The following DNAH12 variants were observed in gnomAD, a reference collection of about 807,000 sequenced individuals.
The protein encoded by DNAH12 is dynein axonemal heavy chain 12.
Under a neutral mutation model 371.5 loss-of-function variants are expected in DNAH12, and 285 were observed. That is an observed-to-expected ratio of 0.77 (90% CI 0.70 to 0.85). DNAH12 has a LOEUF of 0.85. DNAH12 is among the 40% of genes least tolerant of loss of function. DNAH12 has a pLI of 0.00. For missense variants in DNAH12, 3,611 were observed against 3,689.4 expected (o/e 0.98, Z 0.55); for synonymous variants, 1,200 against 1,213.0 (o/e 0.99, Z 0.22).
intron 2 of DNAH12, among the ~76,000 whole-genome samples, chr3:57,533,157 T>C (rs2068908056): frequency 6.6e-6 from 1 of 152,146 alleles, no homozygotes; most frequent in Admixed American, 6.6e-5. Context: ...ACTCCCAATG[T>C]TCACTTAAGG....
intron 60 of DNAH12, among the ~76,000 whole-genome samples, chr3:57,349,310 CA>C (rs200906654): frequency 6.6e-6 from 1 of 151,764 alleles, no homozygotes; most frequent in Non-Finnish European, 1.5e-5. Flanking sequence ...TGGCCACACA[CA>C]AAAAAAATGG....
At chr3:57,302,915 G>A (rs1254473484) in intron 69 of DNAH12, among the ~76,000 whole-genome samples, 1 of 151,770 alleles carries the variant, frequency 6.6e-6, no homozygotes, top group Non-Finnish European at 1.5e-5. Flanking sequence ...CTACACATAG[G>A]TCTAGCTAAT....
intron 17 of DNAH12, among the ~76,000 whole-genome samples, chr3:57,467,844 C>T (rs1197755863): frequency 6.6e-6 from 1 of 152,108 alleles, no homozygotes; most frequent in Non-Finnish European, 1.5e-5. Context: ...ACCAGCCTTT[C>T]CTACACTCCA....
In DNAH12 at chr3:57,457,801, C is replaced by T; in HGVS notation, c.3256G>A (p.Gly1086Ser). The change falls in exon 22 of 74, where the codon GGT (glycine) becomes AGT (serine). Residue 1086 changes from glycine to serine, a missense_variant. Transcript: ENST00000495027. ...TGAATGAGCCACTTTTCCACAGCAC[C>T]CCGCGCTGCAGACGTGGAAATGAGT... ...IALISTSAAR[G>S]AVEKWLIQVE... is the part of the protein sequence containing the mutation. 6.4e-7 allele frequency: 1 copy of T among 1,551,536 alleles called. No homozygotes were observed. Among genetic ancestry groups the T allele is most frequent in the Non-Finnish European group, 8.7e-7 (1 of 1,146,970 alleles).
At chr3:57,304,628 T>G (rs2061431747) in intron 69 of DNAH12, among the ~76,000 whole-genome samples, 1 of 152,184 alleles carries the variant, frequency 6.6e-6, no homozygotes, top group Non-Finnish European at 1.5e-5. Context: ...TGGTTTTTAA[T>G]CACGCAGGGG....
At chr3:57,516,195 C>T (rs1335254231) in intron 4 of DNAH12, among the ~76,000 whole-genome samples, 2 of 151,374 alleles carry the variant, frequency 1.3e-5, no homozygotes, top group Non-Finnish European at 2.9e-5. Flanking sequence ...TCCTGAGTAG[C>T]TGGGATTACA....
chr3:57,334,666 T>G, intron 61 of DNAH12, 57 bp from the exon 62 acceptor site: 9 of 1,513,456 alleles, frequency 5.9e-6, no homozygotes, highest in Non-Finnish European at 7.9e-6. Context: ...TAAAAGAGAT[T>G]GTTGAACAAG....
the DNAH12 span, among the ~76,000 whole-genome samples, chr3:57,549,431 C>T: frequency 2.0e-5 from 3 of 147,424 alleles, no homozygotes; most frequent in Admixed American, 6.8e-5. Context: ...GTGGGAGAAT[C>T]GCTTGAACCC....
intron 29 of DNAH12, among the ~76,000 whole-genome samples, chr3:57,440,709 C>T (rs778138593): frequency 2.0e-5 from 3 of 152,068 alleles, no homozygotes; most frequent in Non-Finnish European, 4.4e-5. Context: ...GTAAATAGGC[C>T]AGGAGTGGTG....
chr3:57,368,423 T>C (rs1187849311), intron 55 of DNAH12, among the ~76,000 whole-genome samples, 163 bp from the exon 56 acceptor site: 5 of 145,028 alleles, frequency 3.4e-5, no homozygotes, highest in Admixed American at 2.8e-4. Context: ...TGAAAAGGAG[T>C]TTTTTTTTTT....
intron 32 of DNAH12, among the ~76,000 whole-genome samples, chr3:57,431,983 C>T (rs993552365): frequency 1.3e-5 from 2 of 152,092 alleles, no homozygotes; most frequent in Non-Finnish European, 2.9e-5. Flanking sequence ...TTCATAATTC[C>T]CTCTCATGCA....
intron 50 of DNAH12, among the ~76,000 whole-genome samples, chr3:57,380,744 C>T (rs2063372959): frequency 1.3e-5 from 2 of 152,260 alleles, no homozygotes; most frequent in East Asian, 1.9e-4. Context: ...GGATTACAGG[C>T]GTGAGCCACC....
chr3:57,467,802 C>A (rs192717523), intron 17 of DNAH12, among the ~76,000 whole-genome samples: 1 of 152,244 alleles, frequency 6.6e-6, no homozygotes, highest in Non-Finnish European at 1.5e-5. Flanking sequence ...TCTCCTTGAT[C>A]TGCCCCAAAT....
At position 57,334,802 on chromosome 3, in the gene DNAH12, A is replaced by G. The variant is rs1322800561; in HGVS notation, c.9813T>C (p.Phe3271=). Residue 3271 remains phenylalanine, a synonymous_variant, in exon 61 of 74, where the codon TTT becomes TTC. Transcript: ENST00000495027. The stretch of plus-strand genomic sequence containing the variant: ...ATCACCTGAGTCCTCTGAAGGCAGG[A>G]AATTCACTTGCCCGACAGATTTCCT... ...SWEEICRASE[F]PAFRGLRQHF... 1.2e-5 allele frequency: 19 copies of G among 1,551,390 alleles called. No individual in the cohort carries two copies. The highest frequency in any genetic ancestry group is 1.7e-5 in the Non-Finnish European group (19 of 1,146,972).
chr3:57,450,250 T>A (rs866245370), intron 25 of DNAH12, among the ~76,000 whole-genome samples: 14 of 98,576 alleles, frequency 1.4e-4, no homozygotes, highest in African/African-American at 3.2e-4. Context: ...TGTCTCAATT[T>A]AAAAAAAAAA....
chr3:57,389,820 G>GTGTGTATATA (rs2063573600), intron 45 of DNAH12, among the ~76,000 whole-genome samples: 2 of 72,716 alleles, frequency 2.8e-5, no homozygotes, highest in African/African-American at 7.5e-5. Flanking sequence ...GTGTGTGTGT[G>GTGTGTATATA]TGTATATATA....
intron 62 of DNAH12, among the ~76,000 whole-genome samples, chr3:57,326,297 G>C (rs1394696095): frequency 6.6e-6 from 1 of 151,972 alleles, no homozygotes; most frequent in Non-Finnish European, 1.5e-5. Context: ...AAATGTTAAG[G>C]GCAGCCAGAG....
At chr3:57,549,334 G>A (rs1294396564), upstream of DNAH12, among the ~76,000 whole-genome samples, 1 of 152,034 alleles carries the variant, frequency 6.6e-6, no homozygotes, top group African/African-American at 2.4e-5. Flanking sequence ...TGGCCAACAT[G>A]GTGAAACCCC....
intron 8 of DNAH12, among the ~76,000 whole-genome samples, chr3:57,504,929 C>T (rs1257990289): frequency 6.6e-6 from 1 of 151,120 alleles, no homozygotes; most frequent in African/African-American, 2.4e-5. Context: ...ACAGCATTGC[C>T]CAGGTTGGAG....
Sources: allele counts gnomAD v4.1 joint callset (sites outside exome capture counted in the v4.1 genomes callset), GRCh38; gene constraint gnomAD v4.1.1; transcripts MANE v1.5; gene names NCBI Gene and HGNC (gene_info 2026-07-23, HGNC 2026-07-21).